Variants in ZYG11B observed in about 807,000 individuals in gnomAD.
ZYG11B encodes zyg-11 family member B, cell cycle regulator.
Under a neutral mutation model 82.4 loss-of-function variants are expected in ZYG11B, and 36 were observed. The ratio of observed to expected loss-of-function variants is 0.44; its 90% CI spans 0.33 to 0.58. The LOEUF (loss-of-function observed/expected upper bound fraction) is 0.58. Ranked by LOEUF, ZYG11B falls within the 20% of genes least tolerant of loss-of-function variation. ZYG11B has a pLI of 0.02. For missense variants in ZYG11B, 552 were observed against 895.6 expected (o/e 0.62, Z 4.90); for synonymous variants, 303 against 312.8 (o/e 0.97, Z 0.33).
intron 7 of ZYG11B, 59 bp downstream of exon 7, chr1:52,796,450 G>C (rs1031955305): frequency 1.0e-4 from 141 of 1,370,956 alleles, no homozygotes; most frequent in Non-Finnish European, 2.0e-5. Flanking sequence ...TACATTTACT[G>C]TTTCCCCCCA....
intron 10 of ZYG11B, among the ~76,000 whole-genome samples, chr1:52,811,923 C>T (rs933186300): frequency 3.9e-5 from 6 of 151,954 alleles, no homozygotes; most frequent in African/African-American, 9.6e-5. Context: ...CCCAGGTACC[C>T]GGGAGGCTGA....
chr1:52,811,209 G>C (rs1381004491), intron 10 of ZYG11B, among the ~76,000 whole-genome samples: 1 of 151,856 alleles, frequency 6.6e-6, no homozygotes, highest in African/African-American at 2.4e-5. Context: ...TAAATTTTTG[G>C]TTGGCTATTG....
At chr1:52,728,786 A>G (rs945472062) in intron 1 of ZYG11B, among the ~76,000 whole-genome samples, 2 of 152,108 alleles carry the variant, frequency 1.3e-5, no homozygotes, top group African/African-American at 2.4e-5. Flanking sequence ...TAGGATTTAT[A>G]TAGATCATTT....
chr1:52,806,212 G>A (rs967143226), intron 10 of ZYG11B, among the ~76,000 whole-genome samples: 1 of 152,126 alleles, frequency 6.6e-6, no homozygotes, highest in Non-Finnish European at 1.5e-5. Context: ...AATATTCCAT[G>A]TACACTTGAG....
At chr1:52,755,981 G>A (rs1039279969) in intron 1 of ZYG11B, among the ~76,000 whole-genome samples, 1 of 152,180 alleles carries the variant, frequency 6.6e-6, no homozygotes, top group Non-Finnish European at 1.5e-5. Context: ...TGTATTTTTA[G>A]TGGAGATGGG....
chr1:52,765,166 C>T (rs796220226), intron 2 of ZYG11B, among the ~76,000 whole-genome samples: 4 of 151,546 alleles, frequency 2.6e-5, no homozygotes, highest in African/African-American at 9.7e-5. Flanking sequence ...GGATTATAGG[C>T]GTGAGCCACC....
chr1:52,780,490 AG>A (rs1458063532), intron 4 of ZYG11B, among the ~76,000 whole-genome samples: 1 of 152,224 alleles, frequency 6.6e-6, no homozygotes. Flanking sequence ...TCCTACAAAA[AG>A]TATTAAAAAA....
At chr1:52,782,448 G>A (rs1044982884) in intron 4 of ZYG11B, among the ~76,000 whole-genome samples, 26 of 151,974 alleles carry the variant, frequency 1.7e-4, no homozygotes, top group Non-Finnish European at 1.5e-4. Context: ...AGTGGTGCAC[G>A]ATCATAGTTC....
intron 6 of ZYG11B, among the ~76,000 whole-genome samples, chr1:52,793,959 C>T (rs1480230556): frequency 1.4e-5 from 2 of 142,382 alleles, no homozygotes; most frequent in African/African-American, 5.4e-5. Context: ...CCTTCCTTTC[C>T]TTTCCTTTCA....
chr1:52,784,282 A>G (rs1558132951), intron 4 of ZYG11B, among the ~76,000 whole-genome samples: 1 of 152,110 alleles, frequency 6.6e-6, no homozygotes, highest in East Asian at 1.9e-4. Context: ...ATGAGCCACC[A>G]TGCCTGGCCC....
At chr1:52,749,014 A>G (rs1166039118) in intron 1 of ZYG11B, among the ~76,000 whole-genome samples, 1 of 152,102 alleles carries the variant, frequency 6.6e-6, no homozygotes, top group African/African-American at 2.4e-5. Context: ...CAGTCTGGCT[A>G]ACATGATGAA....
chr1:52,765,547 C>G (rs1644675493), intron 2 of ZYG11B, among the ~76,000 whole-genome samples: 1 of 151,968 alleles, frequency 6.6e-6, no homozygotes, highest in Admixed American at 6.6e-5. Context: ...ACTCTGTCAC[C>G]CAAGCTAGAG....
At chr1:52,728,226 G>T (rs1644301184) in intron 1 of ZYG11B, among the ~76,000 whole-genome samples, 1 of 152,170 alleles carries the variant, frequency 6.6e-6, no homozygotes, top group African/African-American at 2.4e-5. Context: ...ACTGAAATTT[G>T]AGGTAACTAG....
intron 3 of ZYG11B, among the ~76,000 whole-genome samples, chr1:52,776,229 A>AAAAAAAAAAAAATAT: frequency 0.011 from 262 of 23,552 alleles, 20 homozygotes; most frequent in Middle Eastern, 0.062. Flanking sequence ...TAAAAAAAAA[A>AAAAAAAAAAAAATAT]ATATATATAT....
intron 12 of ZYG11B, among the ~76,000 whole-genome samples, chr1:52,815,989 ACT>A (rs1175375579): frequency 6.6e-6 from 1 of 152,128 alleles, no homozygotes; most frequent in East Asian, 1.9e-4. Flanking sequence ...TGGATGCCTA[ACT>A]CTGTTTGTAA....
At position 52,767,188 on chromosome 1, in the gene ZYG11B, GTTATT is replaced by G. The variant is rs776202240; in HGVS notation, c.197-3819_197-3815del. On this transcript the variant is annotated intron_variant, in intron 2 of 13. Coordinates refer to ENST00000294353, the MANE Select transcript of ZYG11B (RefSeq NM_024646.3). ...ATGTTATGTTATTTTGTTACGTTAT[GTTATT>G]TTATTTTATTTTGTTATTTTATGTT... Among the ~76,000 whole-genome samples, 74 of 146,512 alleles carry G rather than the reference GTTATT, an allele frequency of 5.1e-4. No homozygotes were observed. The East Asian group carries it at 5.4e-3, about 11-fold the overall frequency.
chr1:52,771,291 C>T lies in ZYG11B; in HGVS notation c.468C>T (p.Arg156=). The change falls in exon 3 of 14, where the codon CGC becomes CGT. Residue 156 remains arginine, a synonymous_variant. Transcript: ENST00000294353. This position sits in a 1 kb window ranked among gnomAD's most constrained non-coding sequence, Gnocchi z 5.4. ...TCTCCCTCGAGGATCCTTACGAGCG[C>T]TGCTTCAGCCGGCTTTCTGGCCTTC... is the stretch of plus-strand genomic sequence containing the variant. The part of the protein sequence containing the change: ...LTLSLEDPYE[R]CFSRLSGLRA... 6.2e-7 allele frequency: 1 copy of T among 1,614,254 alleles called. No homozygotes were observed. The highest frequency in any genetic ancestry group is 1.6e-4 in the Middle Eastern group (1 of 6,062).
At chr1:52,803,123 C>T (rs12726108) in intron 10 of ZYG11B, among the ~76,000 whole-genome samples, 7,706 of 52,832 alleles carry the variant, frequency 0.15, 1,068 homozygotes, top group East Asian at 0.53. Flanking sequence ...TATATACACA[C>T]ATATATATAT....
chr1:52,736,948 GC>G (rs1439250194), intron 1 of ZYG11B, among the ~76,000 whole-genome samples: 1 of 151,930 alleles, frequency 6.6e-6, no homozygotes, highest in South Asian at 2.1e-4. Flanking sequence ...TACTGCTTTA[GC>G]CTTATTTCTC....
Sources: allele counts gnomAD v4.1 joint callset (sites outside exome capture counted in the v4.1 genomes callset), GRCh38; gene constraint gnomAD v4.1.1; non-coding constraint Gnocchi (gnomAD v3.1); transcripts MANE v1.5; gene names NCBI Gene and HGNC (gene_info 2026-07-23, HGNC 2026-07-21).